The following ADAM32 variants were observed in gnomAD, a reference collection of about 807,000 sequenced individuals.
ADAM32 encodes disintegrin and metalloproteinase domain-containing protein 32.
A neutral mutation model predicts 114.9 loss-of-function variants in ADAM32; 89 were observed. The observed-to-expected ratio is 0.77, with a 90% CI of 0.65 to 0.92. The LOEUF (loss-of-function observed/expected upper bound fraction) is 0.92. ADAM32 is among the 40% of genes least tolerant of loss of function. ADAM32 has a pLI of 0.00. For synonymous variants in ADAM32, 285 were observed against 307.5 expected (o/e 0.93, Z 0.77); for missense variants, 870 against 932.8 (o/e 0.93, Z 0.88).
chr8:39,174,094 G>A (rs111886820), intron 10 of ADAM32, among the ~76,000 whole-genome samples: 2,842 of 152,276 alleles, frequency 0.019, 49 homozygotes, highest in Non-Finnish European at 0.028. Context: ...CAAAGTGTTG[G>A]GGTTACAGGC....
In ADAM32 at chr8:39,219,088, C is replaced by T. The variant is rs147778339; in HGVS notation, c.1234-2522C>T. On this transcript the variant is annotated intron_variant, in intron 12 of 24. Coordinates refer to ENST00000379907, the MANE Select transcript of ADAM32 (RefSeq NM_145004.7). ...AGGACCTGGAATGGGGACTTCACCA[C>T]CCTGATCAGTGCCCTATCTTATTGT... Among the ~76,000 whole-genome samples the T allele has an allele frequency of 5.3e-5, 8 of 152,088 alleles. 1 individual carries two copies. The East Asian group carries it at 1.4e-3, about 26-fold the overall frequency.
At chr8:39,248,111 T>G (rs1811046605) in intron 17 of ADAM32, among the ~76,000 whole-genome samples, 1 of 152,150 alleles carries the variant, frequency 6.6e-6, no homozygotes, top group Non-Finnish European at 1.5e-5. Context: ...TATGTTGAAG[T>G]TGGGTAGTGT....
chr8:39,267,043 C>G (rs1812410745), intron 19 of ADAM32, among the ~76,000 whole-genome samples: 1 of 152,196 alleles, frequency 6.6e-6, no homozygotes, highest in African/African-American at 2.4e-5. Flanking sequence ...CAAGGTATTC[C>G]CAGTCTGCTG....
rs139139522 is a variant in ADAM32 at position 39,267,572 on chromosome 8, G to A, written c.2163-3304G>A. On this transcript the variant is annotated intron_variant, in intron 19 of 24. Transcript: ENST00000379907. The stretch of plus-strand genomic sequence containing the variant: ...CCGCTGGAAACAAATGCTCAGTGCC[G>A]CAAAGAAGAACCAGCACTGAGACAA... Among the ~76,000 whole-genome samples, 513 of 152,272 alleles carry A rather than the reference G, an allele frequency of 3.4e-3. 2 individuals carry two copies. Among genetic ancestry groups the A allele is most frequent in the African/African-American group, 0.012 (497 of 41,540 alleles).
chr8:39,279,410 A>G (rs1183795631), intron 22 of ADAM32, among the ~76,000 whole-genome samples: 1 of 152,108 alleles, frequency 6.6e-6, no homozygotes, highest in Admixed American at 6.5e-5. Flanking sequence ...CAGCCTACCA[A>G]GTAGCTGGGC....
chr8:39,158,500 G>T, intron 6 of ADAM32: 1 of 293,066 alleles, frequency 3.4e-6, no homozygotes, highest in Non-Finnish European at 6.5e-6. Flanking sequence ...CTTCCTTCTT[G>T]TTCACCTTGG....
chr8:39,152,332 A>T lies in ADAM32; in HGVS notation c.525+784A>T, dbSNP rs550324790. Among the ~76,000 whole-genome samples, 4 of 152,330 alleles carry T rather than the reference A, an allele frequency of 2.6e-5. No homozygotes were observed. In the South Asian group the frequency reaches 8.3e-4, roughly 32 times the overall value. ...TTGTGAAAGAGAAAATTTTTATACC[A>T]AGTAACATTGGCATAACTATGCATA... is the stretch of plus-strand genomic sequence containing the variant. On this transcript the variant is annotated intron_variant, in intron 6 of 24. Coordinates refer to ENST00000379907, the MANE Select transcript of ADAM32 (RefSeq NM_145004.7).
At chr8:39,270,982 T>A (rs957932789) in intron 20 of ADAM32, 68 bp downstream of exon 20, 56 of 1,458,724 alleles carry the variant, frequency 3.8e-5, no homozygotes, top group Non-Finnish European at 4.6e-5. Flanking sequence ...AATTCACAAT[T>A]TATTTCCAAT....
At chr8:39,186,131 C>T (rs867185523) in intron 10 of ADAM32, among the ~76,000 whole-genome samples, 1 of 152,160 alleles carries the variant, frequency 6.6e-6, no homozygotes, top group East Asian at 1.9e-4. Context: ...TCATTTGCAG[C>T]GTTCCCTTTC....
intron 17 of ADAM32, among the ~76,000 whole-genome samples, chr8:39,251,660 T>A (rs917691885): frequency 6.6e-6 from 1 of 151,966 alleles, no homozygotes; most frequent in Non-Finnish European, 1.5e-5. Flanking sequence ...TCTTTTATTC[T>A]GTGGGTTGTC....
At chr8:39,247,202 T>C (rs1326991775) in intron 17 of ADAM32, among the ~76,000 whole-genome samples, 1 of 152,174 alleles carries the variant, frequency 6.6e-6, no homozygotes, top group Non-Finnish European at 1.5e-5. Flanking sequence ...TTTTCACCTA[T>C]TTTGAGTAAA....
At chr8:39,259,362 G>A (rs1251710872) in intron 19 of ADAM32, among the ~76,000 whole-genome samples, 2 of 151,804 alleles carry the variant, frequency 1.3e-5, no homozygotes, top group Admixed American at 1.3e-4. Context: ...ACCACGCCTG[G>A]CTAATTTTTT....
intron 21 of ADAM32, among the ~76,000 whole-genome samples, chr8:39,275,321 G>C (rs1057208910): frequency 1.6e-4 from 24 of 152,126 alleles, no homozygotes; most frequent in Admixed American, 2.6e-4. Context: ...CTCTCTCTCT[G>C]TTACTATCAC....
intron 16 of ADAM32, among the ~76,000 whole-genome samples, chr8:39,240,061 C>A (rs1397947173): frequency 6.6e-6 from 1 of 152,162 alleles, no homozygotes; most frequent in Non-Finnish European, 1.5e-5. Context: ...TTAAATTATA[C>A]CCTAGAACAA....
chr8:39,265,253 CTCT>C (rs1306577247), intron 19 of ADAM32, among the ~76,000 whole-genome samples: 1 of 152,106 alleles, frequency 6.6e-6, no homozygotes, highest in Admixed American at 6.6e-5. Flanking sequence ...TTATGTAATG[CTCT>C]TCTTTGTCCT....
chr8:39,280,941 C>T (rs1199498691), intron 22 of ADAM32, among the ~76,000 whole-genome samples, 195 bp from the exon 23 acceptor site: 1 of 151,830 alleles, frequency 6.6e-6, no homozygotes, highest in Non-Finnish European at 1.5e-5. Context: ...CGCCACCACA[C>T]CTGGCTAATT....
chr8:39,258,502 A>T (rs1356523026), intron 19 of ADAM32, among the ~76,000 whole-genome samples: 1 of 152,104 alleles, frequency 6.6e-6, no homozygotes, highest in Non-Finnish European at 1.5e-5. Context: ...TAATGAATCA[A>T]TTGTAATCTT....
At chr8:39,145,075 C>T (rs1374732874) in intron 3 of ADAM32, among the ~76,000 whole-genome samples, 1 of 151,786 alleles carries the variant, frequency 6.6e-6, no homozygotes, top group Non-Finnish European at 1.5e-5. Flanking sequence ...ACAATAGCTA[C>T]AAAAAATAAA....
At chr8:39,151,954 T>A (rs1181424969) in intron 6 of ADAM32, among the ~76,000 whole-genome samples, 1 of 152,150 alleles carries the variant, frequency 6.6e-6, no homozygotes, top group Non-Finnish European at 1.5e-5. Context: ...TGAGCCACCG[T>A]GCCTGGCTGT....
Sources: allele counts gnomAD v4.1 joint callset (sites outside exome capture counted in the v4.1 genomes callset), GRCh38; gene constraint gnomAD v4.1.1; transcripts MANE v1.5; gene names NCBI Gene and HGNC (gene_info 2026-07-23, HGNC 2026-07-21).